Variants in ACACB observed in about 807,000 individuals in gnomAD.
ACACB encodes acetyl-CoA carboxylase beta.
A neutral mutation model predicts 278.8 loss-of-function variants in ACACB; 209 were observed. That is an observed-to-expected ratio of 0.75 (90% confidence interval 0.67 to 0.84). The LOEUF (loss-of-function observed/expected upper bound fraction) is 0.84, where lower values mean the gene tolerates loss of function less well. Ranked by LOEUF, ACACB falls within the 40% of genes least tolerant of loss-of-function variation. The pLI, the probability that ACACB is intolerant of heterozygous loss-of-function variation, is 0.00. For missense variants in ACACB, 2,850 were observed against 3,269.0 expected, an observed-to-expected ratio of 0.87 and a Z score of 3.13; for synonymous variants, 1,174 against 1,285.6, an observed-to-expected ratio of 0.91 and a Z score of 1.86.
intron 39 of ACACB, 77 bp downstream of exon 39, chr12:109,246,525 C>T: frequency 6.5e-7 from 1 of 1,534,140 alleles, no homozygotes; most frequent in Non-Finnish European, 8.8e-7. Context: ...CTAGCACCTG[C>T]AAGAGGTGAA....
chr12:109,120,561 G>T (rs904086914), intron 1 of ACACB, among the ~76,000 whole-genome samples: 2 of 152,016 alleles, frequency 1.3e-5, no homozygotes, highest in African/African-American at 2.4e-5. Context: ...ATGCATGCAT[G>T]TGTGTGTGTA....
intron 2 of ACACB, among the ~76,000 whole-genome samples, chr12:109,146,702 T>C (rs923520407): frequency 6.6e-6 from 1 of 152,200 alleles, no homozygotes; most frequent in Non-Finnish European, 1.5e-5. Flanking sequence ...TGAGACATGA[T>C]CTTGCTCTGA....
chr12:109,232,946 A>G, intron 29 of ACACB, 140 bp downstream of exon 29: 1 of 1,036,816 alleles, frequency 9.6e-7, no homozygotes, highest in Non-Finnish European at 1.4e-6. Context: ...CAACAGAATA[A>G]TAATAGCATT....
At chr12:109,216,500 A>C (rs567144120) in intron 22 of ACACB, 118 bp from the exon 23 acceptor site, 1 of 1,031,674 alleles carries the variant, frequency 9.7e-7, no homozygotes, top group East Asian at 2.9e-5. Flanking sequence ...GATTACAGGC[A>C]TGAGCCACCA....
At chr12:109,173,873 T>C (rs550500899) in intron 6 of ACACB, among the ~76,000 whole-genome samples, 25 of 152,374 alleles carry the variant, frequency 1.6e-4, no homozygotes, top group African/African-American at 6.0e-4. Flanking sequence ...GAATTTTGTA[T>C]ATGCCACTGT....
chr12:109,214,116 G>A (rs1270095905), intron 22 of ACACB, among the ~76,000 whole-genome samples: 2 of 151,454 alleles, frequency 1.3e-5, no homozygotes, highest in African/African-American at 4.9e-5. Context: ...AAAAAAATGA[G>A]TCGGGGATGG....
chr12:109,198,098 A>C (rs2045205544), intron 17 of ACACB, among the ~76,000 whole-genome samples: 1 of 151,798 alleles, frequency 6.6e-6, no homozygotes, highest in Non-Finnish European at 1.5e-5. Flanking sequence ...GGGTTTTGCC[A>C]TGTTGCTCAG....
In ACACB at chr12:109,140,027, G is replaced by A; in HGVS notation, c.622G>A (p.Gly208Ser). ...GTCCCTGGAGGCTTATCTGACCACAGGTGAAGCTGAGACCCGCGTCCCCAC... is the reference window on the plus strand; with the variant it reads ...GTCCCTGGAGGCTTATCTGACCACAAGTGAAGCTGAGACCCGCGTCCCCAC... ...ALSLEAYLTT[G>S]EAETRVPTMR... Residue 208 changes from glycine (G) to serine (S), a missense_variant, in exon 2 of 53, where the codon GGT becomes AGT. Gly to Ser is a moderately conservative substitution (Grantham distance 56). Around this residue, in one of 3 missense-constraint regions of ACACB, gnomAD observed 2,265 missense variants for 2,561.3 expected, o/e 0.88. Transcript: ENST00000338432. The A allele has an allele frequency of 6.2e-7, 1 of 1,604,818 alleles. No individual in the cohort carries two copies. The highest frequency in any genetic ancestry group is 1.3e-5 in the African/African-American group (1 of 74,890).
intron 21 of ACACB, among the ~76,000 whole-genome samples, chr12:109,209,735 A>G (rs1277895177): frequency 1.3e-5 from 2 of 149,256 alleles, no homozygotes; most frequent in Non-Finnish European, 3.0e-5. Context: ...CTGCCCCTGG[A>G]TTTTGTAGGT....
intron 1 of ACACB, among the ~76,000 whole-genome samples, chr12:109,128,679 GC>G (rs2042744935): frequency 1.3e-5 from 2 of 151,778 alleles, no homozygotes; most frequent in South Asian, 2.1e-4. Context: ...CTTTATTTGG[GC>G]AGAACATAGC....
intron 6 of ACACB, among the ~76,000 whole-genome samples, chr12:109,173,863 G>A (rs1199091296): frequency 1.3e-5 from 2 of 152,198 alleles, no homozygotes; most frequent in Non-Finnish European, 2.9e-5. Flanking sequence ...CCTCCAAAGT[G>A]AATTTTGTAT....
chr12:109,251,303 G>A (rs766987412), intron 41 of ACACB, among the ~76,000 whole-genome samples: 19 of 152,126 alleles, frequency 1.2e-4, no homozygotes, highest in Non-Finnish European at 2.5e-4. Context: ...ATCACCTGAT[G>A]GTTGCCTTCC....
chr12:109,266,484 G>A lies in ACACB; in HGVS notation c.*122G>A. The A allele has an allele frequency of 1.6e-6, 2 of 1,283,400 alleles. No homozygotes were observed. Among genetic ancestry groups the A allele is most frequent in the Non-Finnish European group, 2.1e-6 (2 of 972,724 alleles). The allele number at this position is 1,283,400 out of a possible 1,614,324, so 79.5% of individuals were successfully genotyped here. A position where few individuals can be genotyped will look rare whatever the true frequency, so the allele number is the denominator to read the frequency against. ...AACAAAGAAAATCCTGGGCACTTCT[G>A]CAGGGCTGCTGGTTCCGAGCTGACA... On this transcript the variant is annotated 3_prime_UTR_variant, in exon 53 of 53. Coordinates refer to ENST00000338432, the MANE Select transcript of ACACB (RefSeq NM_001093.4).
At chr12:109,250,179 A>AATT (rs2047056460) in intron 41 of ACACB, 75 bp downstream of exon 41, 1 of 1,434,706 alleles carries the variant, frequency 7.0e-7, no homozygotes, top group Non-Finnish European at 9.2e-7. Context: ...AAAATTAGAG[A>AATT]GAATCAATAA....
chr12:109,179,403 T>A, intron 10 of ACACB, 106 bp downstream of exon 10: 1 of 1,207,836 alleles, frequency 8.3e-7, no homozygotes, highest in Non-Finnish European at 1.2e-6. Flanking sequence ...CATGGGTGCC[T>A]AACAAGAGGG....
In ACACB at chr12:109,250,098, T is replaced by C. The variant is rs767164855; in HGVS notation, c.5784T>C (p.Ile1928=). 6.3e-7 allele frequency: 1 copy of C among 1,598,722 alleles called. No individual in the cohort carries two copies. The highest frequency in any genetic ancestry group is 8.5e-7 in the Non-Finnish European group (1 of 1,175,090). ...TGGCTTACGAAGAGATCGTCACCAT[T>C]AGCTTGGTGAGTCTTCTTCTATTTT... ...SSLAYEEIVT[I]SLVTCRAIGI... is the part of the protein sequence containing the mutation. The change falls in exon 41 of 53, where the codon ATT becomes ATC. Residue 1928 remains isoleucine, a synonymous_variant. Transcript: ENST00000338432.
chr12:109,114,816 C>T (rs1408256619), upstream of ACACB, among the ~76,000 whole-genome samples: 2 of 152,062 alleles, frequency 1.3e-5, no homozygotes, highest in Non-Finnish European at 2.9e-5. Flanking sequence ...CATGCCACTG[C>T]ACTCCATCCA....
At position 109,216,701 on chromosome 12, in the gene ACACB, A is replaced by T; in HGVS notation, c.3434A>T (p.Gln1145Leu). The T allele has an allele frequency of 6.2e-7, 1 of 1,614,210 alleles. No individual in the cohort carries two copies. The highest frequency in any genetic ancestry group is 1.1e-5 in the South Asian group (1 of 91,090). Residue 1145 changes from glutamine to leucine, a missense_variant, in exon 23 of 53, where the codon CAG (glutamine) becomes CTG (leucine). Coordinates refer to ENST00000338432, the MANE Select transcript of ACACB (RefSeq NM_001093.4). ...RRYLRVEHHF[Q>L]QAHYDKCVIN... ...TACTTGCGTGTTGAGCACCATTTTC[A>T]GCAAGGCAAGAGATGCTGATGCCAA...
Position 109,232,769 on chromosome 12 carries a change from G to A in ACACB, c.4102G>A (p.Ala1368Thr). The change falls in exon 29 of 53, where the codon GCC (alanine) becomes ACC (threonine). Residue 1368 changes from alanine to threonine, a missense_variant. Coordinates refer to ENST00000338432, the MANE Select transcript of ACACB (RefSeq NM_001093.4). Reference protein sequence around the residue: ...GFSPLCQRMGAMVAFRRFEDF... With the variant: ...GFSPLCQRMGTMVAFRRFEDF... Reference sequence around the variant, plus strand: ...CTCCCCACTGTGCCAGCGCATGGGAGCCATGGTAGCCTTCAGGAGATTCGA... The same window carrying A: ...CTCCCCACTGTGCCAGCGCATGGGAACCATGGTAGCCTTCAGGAGATTCGA... 1.2e-6 allele frequency: 2 copies of A among 1,614,166 alleles called. No individual in the cohort carries two copies. Among genetic ancestry groups the A allele is most frequent in the East Asian group, 2.2e-5 (1 of 44,882 alleles).
Sources: allele counts gnomAD v4.1 joint callset (sites outside exome capture counted in the v4.1 genomes callset), GRCh38; gene constraint gnomAD v4.1.1; regional missense constraint gnomAD v4.1.1; transcripts MANE v1.5; gene names NCBI Gene and HGNC (gene_info 2026-07-23, HGNC 2026-07-21).